Variants in POR observed in about 807,000 individuals in gnomAD.
POR encodes the protein NADPH--cytochrome P450 reductase.
A neutral mutation model predicts 84.0 loss-of-function variants in POR; 56 were observed. That is an observed-to-expected ratio of 0.67 (90% confidence interval 0.54 to 0.83). The LOEUF (loss-of-function observed/expected upper bound fraction) is 0.83, where lower values mean the gene tolerates loss of function less well. Among genes scored for constraint, POR ranks in the 40% least tolerant of loss-of-function variants. The pLI is 0.00. For missense variants in POR, 938 were observed against 944.3 expected, an observed-to-expected ratio of 0.99 and a Z score of 0.09; for synonymous variants, 414 against 400.5, an observed-to-expected ratio of 1.03 and a Z score of -0.40.
intron 6 of POR, 120 bp from the exon 7 acceptor site, chr7:75,981,397 C>G (rs1342176744): frequency 1.1e-5 from 14 of 1,221,062 alleles, no homozygotes; most frequent in South Asian, 2.7e-5. Flanking sequence ...TCGCTGGGTG[C>G]CCCAGGGTGC....
chr7:75,980,124 T>C (rs1788929835), intron 4 of POR, among the ~76,000 whole-genome samples: 1 of 152,144 alleles, frequency 6.6e-6, no homozygotes, highest in South Asian at 2.1e-4. Flanking sequence ...TCCTCTCCGC[T>C]CCAGCCTAAC....
At chr7:75,955,307 G>T (rs1418734071) in intron 2 of POR, among the ~76,000 whole-genome samples, 1 of 152,158 alleles carries the variant, frequency 6.6e-6, no homozygotes, top group African/African-American at 2.4e-5. Context: ...AAAGAAAAAC[G>T]TTAAGGAAAT....
intron 2 of POR, among the ~76,000 whole-genome samples, chr7:75,963,841 C>T (rs936339394): frequency 2.1e-4 from 32 of 151,936 alleles, no homozygotes; most frequent in Admixed American, 7.2e-4. Context: ...TTGGGGTCAC[C>T]AAGGAAGTCA....
intron 1 of POR, among the ~76,000 whole-genome samples, chr7:75,947,899 C>A (rs542489341): frequency 6.6e-6 from 1 of 151,932 alleles, no homozygotes; most frequent in Non-Finnish European, 1.5e-5. Flanking sequence ...TCTGTGTGCG[C>A]GTCAAGGGGA....
intron 1 of POR, among the ~76,000 whole-genome samples, chr7:75,936,078 C>G (rs1171466160): frequency 6.5e-5 from 9 of 138,212 alleles, no homozygotes; most frequent in African/African-American, 1.9e-4. Context: ...TTTACTGTTT[C>G]TTTCTTTCTT....
intron 7 of POR, 137 bp from the exon 8 acceptor site, chr7:75,982,087 G>C (rs546640988): frequency 7.3e-6 from 5 of 685,038 alleles, no homozygotes; most frequent in Non-Finnish European, 1.3e-5. Context: ...CTGCAGCAGG[G>C]GCTCCCCTGC....
At chr7:75,984,612 GC>G (rs1212785389) in intron 10 of POR, among the ~76,000 whole-genome samples, 164 bp from the exon 11 acceptor site, 1 of 152,128 alleles carries the variant, frequency 6.6e-6, no homozygotes, top group African/African-American at 2.4e-5. Context: ...CCCAGACTTG[GC>G]CCCAGGGCCA....
chr7:75,952,690 C>T (rs1787497499), intron 1 of POR, among the ~76,000 whole-genome samples: 1 of 149,442 alleles, frequency 6.7e-6, no homozygotes, highest in Non-Finnish European at 1.5e-5. Context: ...GACGGGGCGG[C>T]GGGGCAGAGG....
chr7:75,930,327 C>T (rs1219592902), intron 1 of POR, among the ~76,000 whole-genome samples: 1 of 151,948 alleles, frequency 6.6e-6, no homozygotes, highest in Admixed American at 6.6e-5. Flanking sequence ...TAGAGACATT[C>T]AGAAACTAGC....
intron 13 of POR, 32 bp from the exon 14 acceptor site, chr7:75,985,891 G>GC: frequency 6.4e-7 from 1 of 1,559,248 alleles, no homozygotes. Flanking sequence ...ACGACTGGGA[G>GC]CCCCGCGCTC....
At chr7:75,963,735 G>A (rs1234229020) in intron 2 of POR, among the ~76,000 whole-genome samples, 8 of 152,126 alleles carry the variant, frequency 5.3e-5, no homozygotes, top group East Asian at 1.9e-4. Context: ...GTGAGGACAC[G>A]CGGGGCTGTT....
At chr7:75,944,103 G>A (rs1235185660) in intron 1 of POR, among the ~76,000 whole-genome samples, 1 of 152,190 alleles carries the variant, frequency 6.6e-6, no homozygotes, top group Non-Finnish European at 1.5e-5. Context: ...TGTCAGTGGA[G>A]ATCATGTGCT....
At chr7:75,931,266 A>G (rs112432487) in intron 1 of POR, among the ~76,000 whole-genome samples, 98 of 152,348 alleles carry the variant, frequency 6.4e-4, no homozygotes, top group African/African-American at 2.2e-3. Flanking sequence ...TGCATGCCAC[A>G]ACGTGGATGG....
In POR at chr7:75,960,725, C is replaced by T. The variant is rs138646847; in HGVS notation, c.188+6545C>T. Among the ~76,000 whole-genome samples the T allele has an allele frequency of 4.5e-3, 684 of 152,232 alleles. 6 individuals carry two copies. Among genetic ancestry groups the T allele is most frequent in the Non-Finnish European group, 5.5e-3 (377 of 68,016 alleles). On this transcript the variant is annotated intron_variant, in intron 2 of 15. Transcript: ENST00000461988. ...TTGGTGATGGAATTTGTATTTTTGCCTCCCATGGTGCAGAGAGCGTCCCAT... is the reference window on the plus strand; with the variant it reads ...TTGGTGATGGAATTTGTATTTTTGCTTCCCATGGTGCAGAGAGCGTCCCAT...
chr7:75,971,646 C>G (rs969311976), intron 2 of POR, among the ~76,000 whole-genome samples: 1 of 152,152 alleles, frequency 6.6e-6, no homozygotes, highest in Admixed American at 6.6e-5. Flanking sequence ...GTCCCAGGAA[C>G]GCAGAGAAGG....
At chr7:75,969,947 C>G (rs1788356535) in intron 2 of POR, among the ~76,000 whole-genome samples, 1 of 152,092 alleles carries the variant, frequency 6.6e-6, no homozygotes, top group Non-Finnish European at 1.5e-5. Flanking sequence ...GCGAAGACGG[C>G]GACAGTAGCG....
intron 3 of POR, among the ~76,000 whole-genome samples, chr7:75,977,629 T>A (rs1554557034): frequency 6.6e-6 from 1 of 152,074 alleles, no homozygotes; most frequent in Non-Finnish European, 1.5e-5. Context: ...TTCAAAAAAA[T>A]TAGCCTAGCA....
intron 2 of POR, among the ~76,000 whole-genome samples, chr7:75,967,178 T>C (rs1788224771): frequency 6.6e-6 from 1 of 152,202 alleles, no homozygotes. Flanking sequence ...TGTTTCGCCA[T>C]GTTGCCCAGG....
chr7:75,936,225 T>A (rs1807677844), intron 1 of POR, among the ~76,000 whole-genome samples: 1 of 150,444 alleles, frequency 6.6e-6, no homozygotes, highest in South Asian at 2.1e-4. Context: ...TGCCTCAGCC[T>A]CCTGAGTAGT....
Sources: gnomAD v4.1 joint callset for allele counts (sites outside exome capture counted in the v4.1 genomes callset) on GRCh38, gnomAD v4.1.1 for gene constraint, MANE v1.5 for transcripts, NCBI Gene and HGNC (gene_info 2026-07-23, HGNC 2026-07-21) for gene names.